The following DLG2 variants were observed in gnomAD, a reference collection of about 807,000 sequenced individuals.
DLG2 encodes disks large homolog 2.
A neutral mutation model predicts 132.5 loss-of-function variants in DLG2; 45 were observed. The observed-to-expected ratio is 0.34, with a 90% CI of 0.27 to 0.44. The LOEUF (loss-of-function observed/expected upper bound fraction) is 0.44. Among genes scored for constraint, DLG2 ranks in the 20% least tolerant of loss-of-function variants. The probability of loss-of-function intolerance (pLI) is 1.00; values close to 1 mark genes in which losing one functional copy is unlikely to be tolerated. For missense variants in DLG2, 1,045 were observed against 1,196.9 expected, an observed-to-expected ratio of 0.87 and a Z score of 1.87; for synonymous variants, 424 against 419.6, an observed-to-expected ratio of 1.01 and a Z score of -0.13.
intron 11 of DLG2, among the ~76,000 whole-genome samples, chr11:84,046,889 T>G (rs536830887): frequency 6.6e-6 from 1 of 151,788 alleles, no homozygotes; most frequent in South Asian, 2.1e-4. Context: ...TGAGTTATGT[T>G]CAGAGACAAA....
chr11:84,672,588 A>G (rs2099707068), intron 6 of DLG2, among the ~76,000 whole-genome samples: 1 of 152,110 alleles, frequency 6.6e-6, no homozygotes, highest in African/African-American at 2.4e-5. Flanking sequence ...ATAAACATGA[A>G]GAAGTCATAA....
intron 6 of DLG2, among the ~76,000 whole-genome samples, chr11:84,893,244 G>C (rs760253415): frequency 1.3e-5 from 2 of 152,108 alleles, no homozygotes; most frequent in African/African-American, 2.4e-5. Context: ...TGCCCATCTG[G>C]TGCCTAAGCA....
At chr11:84,511,542 T>G (rs1648519199) in intron 7 of DLG2, among the ~76,000 whole-genome samples, 1 of 152,160 alleles carries the variant, frequency 6.6e-6, no homozygotes, top group South Asian at 2.1e-4. Context: ...CACAAAAATT[T>G]CCATTAAGTG....
chr11:84,169,224 A>T (rs2095754339), intron 8 of DLG2, among the ~76,000 whole-genome samples: 2 of 152,204 alleles, frequency 1.3e-5, no homozygotes, highest in Admixed American at 6.5e-5. Context: ...AATTTTAGCT[A>T]AAATCCCAAA....
chr11:84,169,981 C>T (rs1223542187), intron 8 of DLG2, among the ~76,000 whole-genome samples: 1 of 152,078 alleles, frequency 6.6e-6, no homozygotes, highest in Non-Finnish European at 1.5e-5. Context: ...TGTTGCTCTG[C>T]TATTGGCACT....
At chr11:83,647,325 T>C (rs575013131) in intron 18 of DLG2, among the ~76,000 whole-genome samples, 8 of 152,170 alleles carry the variant, frequency 5.3e-5, no homozygotes, top group African/African-American at 1.7e-4. Flanking sequence ...TTTATATATG[T>C]GTTCTCTGTG....
chr11:84,000,969 T>G (rs550340236), intron 11 of DLG2, among the ~76,000 whole-genome samples: 1 of 151,936 alleles, frequency 6.6e-6, no homozygotes, highest in South Asian at 2.1e-4. Context: ...AGAACTCAAA[T>G]AGCATCATGA....
intron 19 of DLG2, among the ~76,000 whole-genome samples, chr11:83,628,465 A>G (rs2062998131): frequency 6.6e-6 from 1 of 152,140 alleles, no homozygotes. Flanking sequence ...GTCCATGCTC[A>G]TGTTGTCTAG....
At chr11:84,091,180 G>A (rs548084352) in intron 10 of DLG2, among the ~76,000 whole-genome samples, 8 of 152,200 alleles carry the variant, frequency 5.3e-5, no homozygotes, top group African/African-American at 9.6e-5. Flanking sequence ...ACACATACCC[G>A]AAAAGTTCTA....
intron 22 of DLG2, among the ~76,000 whole-genome samples, chr11:83,475,127 T>C (rs553402068): frequency 7.2e-5 from 11 of 152,240 alleles, no homozygotes; most frequent in African/African-American, 2.6e-4. Flanking sequence ...GGCAATCAGG[T>C]ACTGTGTAAT....
At chr11:84,650,863 GTGTGTGTGTGTATATATATATA>G (rs200823714) in intron 6 of DLG2, among the ~76,000 whole-genome samples, 1,889 of 92,244 alleles carry the variant, frequency 0.02, 86 homozygotes, top group African/African-American at 0.08. Context: ...GTGTGTGTGT[GTGTGTGTGTGTATATATATATA>G]TATATATATA....
intron 19 of DLG2, among the ~76,000 whole-genome samples, chr11:83,592,306 T>C (rs1161654781): frequency 2.0e-5 from 3 of 149,032 alleles, no homozygotes. Flanking sequence ...TATAGATCAA[T>C]GGAACAGAAC....
At chr11:84,198,991 G>A (rs935160884) in intron 8 of DLG2, among the ~76,000 whole-genome samples, 3 of 152,062 alleles carry the variant, frequency 2.0e-5, no homozygotes, top group Non-Finnish European at 4.4e-5. Flanking sequence ...TATGGATAAC[G>A]GTAGGATCAG....
At chr11:84,870,894 A>G (rs1194567225) in intron 6 of DLG2, among the ~76,000 whole-genome samples, 1 of 152,220 alleles carries the variant, frequency 6.6e-6, no homozygotes, top group East Asian at 1.9e-4. Flanking sequence ...CAAACAAACA[A>G]AAACGAAGTG....
At chr11:85,588,999 A>G (rs1000705329) in intron 3 of DLG2, among the ~76,000 whole-genome samples, 2 of 152,100 alleles carry the variant, frequency 1.3e-5, no homozygotes, top group Admixed American at 6.5e-5. Flanking sequence ...GGGAATGTCT[A>G]CAAACAGTCC....
intron 6 of DLG2, among the ~76,000 whole-genome samples, chr11:84,559,483 A>G (rs2099418795): frequency 2.6e-5 from 4 of 152,330 alleles, no homozygotes; most frequent in Admixed American, 1.3e-4. Context: ...AGAAGTTTCC[A>G]TAATTCAGTT....
intron 5 of DLG2, among the ~76,000 whole-genome samples, chr11:85,151,854 G>C (rs921613536): frequency 2.0e-5 from 3 of 152,160 alleles, no homozygotes; most frequent in Non-Finnish European, 4.4e-5. Flanking sequence ...CTCCAAAATT[G>C]ATTAGGCTAT....
intron 3 of DLG2, among the ~76,000 whole-genome samples, chr11:85,501,821 G>C (rs1002616917): frequency 6.6e-5 from 10 of 152,282 alleles, no homozygotes; most frequent in Admixed American, 5.9e-4. Context: ...TTGTTGGTGG[G>C]AGTATAAATT....
intron 4 of DLG2, among the ~76,000 whole-genome samples, chr11:85,263,642 C>T (rs551694888): frequency 1.3e-5 from 2 of 152,212 alleles, no homozygotes; most frequent in Non-Finnish European, 2.9e-5. Flanking sequence ...TCTAAACTCT[C>T]ACCCTATTGA....
Sources: gnomAD v4.1 joint callset for allele counts (sites outside exome capture counted in the v4.1 genomes callset) on GRCh38, gnomAD v4.1.1 for gene constraint, MANE v1.5 for transcripts, NCBI Gene and HGNC (gene_info 2026-07-23, HGNC 2026-07-21) for gene names.